The following DAZL variants were observed in gnomAD, a reference collection of about 807,000 sequenced individuals.
The protein encoded by DAZL is deleted in azoospermia like.
DAZL carries 4 observed loss-of-function variants against 45.0 expected under a neutral mutation model. That is an observed-to-expected ratio of 0.09 (90% confidence interval 0.04 to 0.20). DAZL has a LOEUF of 0.20. Ranked by LOEUF, DAZL falls within the 10% of genes least tolerant of loss-of-function variation. DAZL has a pLI of 1.00. For missense variants in DAZL, 326 were observed against 351.3 expected, an observed-to-expected ratio of 0.93 and a Z score of 0.58; for synonymous variants, 122 against 112.4, an observed-to-expected ratio of 1.09 and a Z score of -0.54.
chr3:16,598,101 A>G lies in DAZL; in HGVS notation c.228T>C (p.Thr76=). 6.3e-7 allele frequency: 1 copy of G among 1,594,430 alleles called. No homozygotes were observed. Among genetic ancestry groups the G allele is most frequent in the South Asian group, 1.1e-5 (1 of 90,848 alleles). The change falls in exon 3 of 11, where the codon ACT becomes ACC. Residue 76 remains threonine, a synonymous_variant. Coordinates refer to ENST00000399444, the MANE Select transcript of DAZL (RefSeq NM_001351.4). ...VKEVKIITDR[T]GVSKGYGFVS... is the part of the protein sequence containing the mutation. ...AAATTACTCACCCTTTGGACACACC[A>G]GTTCGATCAGTGATTATCTTCACTT...
intron 3 of DAZL, 84 bp downstream of exon 3, chr3:16,598,003 T>G (rs1162345028): frequency 7.7e-7 from 1 of 1,292,794 alleles, no homozygotes; most frequent in African/African-American, 1.5e-5. Flanking sequence ...AAATTTATGT[T>G]AAGTGTCAGA....
rs748066712 is a variant in DAZL, at chr3:16,595,332, C to T, written c.552G>A (p.Leu184=). 3.8e-5 allele frequency: 60 copies of T among 1,563,830 alleles called. No homozygotes were observed. The Admixed American group carries it at 1.0e-3, about 27-fold the overall frequency. Residue 184 remains leucine, a synonymous_variant, in exon 7 of 11, where the codon TTG becomes TTA. Coordinates refer to ENST00000399444, the MANE Select transcript of DAZL (RefSeq NM_001351.4). ...SPVQVITGYQ[L]PVYNYQMPPQ... is the part of the protein sequence containing the mutation. ...AAATTACCTGATAATTATATACAGGCAACTGATATCCAGTGATGACCTGAA... is the reference window on the plus strand; with the variant it reads ...AAATTACCTGATAATTATATACAGGTAACTGATATCCAGTGATGACCTGAA...
rs192434498 is a variant in DAZL, at chr3:16,594,547, A to G, written c.607T>C (p.Tyr203His). The G allele has an allele frequency of 9.4e-6, 15 of 1,596,864 alleles. No homozygotes were observed. In the East Asian group the frequency reaches 3.4e-4, roughly 36 times the overall value. The stretch of plus-strand genomic sequence containing the variant: ...ATTCACTTTACCGGAGGTACAACAT[A>G]GCTCCTTTGCTCCCCAACAGGCCAC... Reference protein sequence around the residue: ...PQWPVGEQRSYVVPPAYSAVN... With the variant: ...PQWPVGEQRSHVVPPAYSAVN... The change falls in exon 8 of 11, where the codon TAT becomes CAT. Residue 203 changes from tyrosine to histidine, a missense_variant. Physicochemically the swap from Tyr to His is moderately conservative, Grantham distance 83 (BLOSUM62 2). Transcript: ENST00000399444.
intron 10 of DAZL, 151 bp from the exon 11 acceptor site, chr3:16,588,864 T>C: frequency 1.5e-6 from 1 of 649,162 alleles, no homozygotes; most frequent in Non-Finnish European, 2.8e-6. Flanking sequence ...GAAGCATTCT[T>C]GAACACTGGG....
In DAZL at chr3:16,598,497, G is replaced by T; in HGVS notation, c.105C>A (p.Gly35=). 1 of 1,609,040 alleles carries T rather than the reference G, an allele frequency of 6.2e-7. No individual in the cohort carries two copies. Among genetic ancestry groups the T allele is most frequent in the South Asian group, 1.1e-5 (1 of 91,052 alleles). Residue 35 remains glycine (G), a synonymous_variant, in exon 2 of 11, where the codon GGC becomes GGA. Coordinates refer to ENST00000399444, the MANE Select transcript of DAZL (RefSeq NM_001351.4). The part of the protein sequence containing the change: ...ATSQGYILPE[G]KIMPNTVFVG... ...CAAAAACAGTGTTTGGCATGATTTTGCCTTCTGGTAAAATATAGCCTTGGC... is the reference window on the plus strand; with the variant it reads ...CAAAAACAGTGTTTGGCATGATTTTTCCTTCTGGTAAAATATAGCCTTGGC...
chr3:16,604,174 G>T (rs1445946463), intron 1 of DAZL, among the ~76,000 whole-genome samples: 2 of 152,056 alleles, frequency 1.3e-5, no homozygotes, highest in Non-Finnish European at 1.5e-5. Context: ...TTTCCTCCCT[G>T]AAGAGACTGA....
chr3:16,602,041 G>A (rs190599302), intron 1 of DAZL, among the ~76,000 whole-genome samples: 2 of 151,992 alleles, frequency 1.3e-5, no homozygotes, highest in East Asian at 1.9e-4. Flanking sequence ...CGAATAAAGA[G>A]AATGCTAAAA....
chr3:16,604,552 G>A, intron 1 of DAZL: 7 of 1,444,294 alleles, frequency 4.8e-6, no homozygotes, highest in Non-Finnish European at 6.3e-6. Context: ...AGGCACTTCC[G>A]GCCCAGCCCC....
chr3:16,598,124 C>T lies in DAZL; in HGVS notation c.205G>A (p.Val69Met). 1 of 1,600,444 alleles carries T rather than the reference C, an allele frequency of 6.2e-7. No individual in the cohort carries two copies. The highest frequency in any genetic ancestry group is 8.5e-7 in the Non-Finnish European group (1 of 1,170,464). ...FFARYGSVKE[V>M]KIITDRTGVS... is the part of the protein sequence containing the mutation. ...CCAGTTCGATCAGTGATTATCTTCA[C>T]TTCTTTCACTGAACCATATCTAGCA... Residue 69 changes from valine (V) to methionine (M), a missense_variant, in exon 3 of 11, where the codon GTG becomes ATG. By Grantham distance (21) the Val-to-Met change is conservative. Coordinates refer to ENST00000399444, the MANE Select transcript of DAZL (RefSeq NM_001351.4).
chr3:16,604,292 A>G (rs1187891496), intron 1 of DAZL: 2 of 673,350 alleles, frequency 3.0e-6, no homozygotes, highest in South Asian at 2.0e-5. Flanking sequence ...AAGCAACGCT[A>G]GGCATTTACC....
chr3:16,588,602 C>A lies in DAZL; in HGVS notation c.*58G>T. 2 of 1,362,170 alleles carry A rather than the reference C, an allele frequency of 1.5e-6. No individual in the cohort carries two copies. The highest frequency in any genetic ancestry group is 2.1e-6 in the Non-Finnish European group (2 of 950,868). 84.4% of individuals were successfully genotyped at this position (1,362,170 alleles called of 1,614,324 possible). A position where few individuals can be genotyped will look rare whatever the true frequency, so the allele number is the denominator to read the frequency against. ...TCAGAATTTCTATAATAGTGGAAAC[C>A]TTTTAGCTTAATATTCAAAACCAGC... On this transcript the variant is annotated 3_prime_UTR_variant, in exon 11 of 11. Transcript: ENST00000399444.
intron 1 of DAZL, chr3:16,604,722 C>G (rs1694748396): frequency 7.4e-7 from 1 of 1,358,358 alleles, no homozygotes; most frequent in Non-Finnish European, 9.4e-7. Context: ...GCAGGCCCGC[C>G]GCCATCTTGC....
intron 1 of DAZL, among the ~76,000 whole-genome samples, chr3:16,604,239 T>A (rs1388663864): frequency 6.6e-6 from 1 of 152,182 alleles, no homozygotes; most frequent in Non-Finnish European, 1.5e-5. Flanking sequence ...CGTGACTCAG[T>A]GGTTGGTCTG....
chr3:16,605,246 G>C lies in DAZL; in HGVS notation c.-41C>G. On this transcript the variant is annotated 5_prime_UTR_variant, in exon 1 of 11. Coordinates refer to ENST00000399444, the MANE Select transcript of DAZL (RefSeq NM_001351.4). ...CAGTTCCCGACCGGCTCCAGGAGGAGCAGAGGCTGTGCTTGGCGCACCACT... is the reference window on the plus strand; with the variant it reads ...CAGTTCCCGACCGGCTCCAGGAGGACCAGAGGCTGTGCTTGGCGCACCACT... 6.2e-7 allele frequency: 1 copy of C among 1,613,986 alleles called. No homozygotes were observed. Among genetic ancestry groups the C allele is most frequent in the Non-Finnish European group, 8.5e-7 (1 of 1,179,814 alleles).
intron 1 of DAZL, among the ~76,000 whole-genome samples, chr3:16,600,648 T>TAA (rs1694676769): frequency 6.6e-6 from 1 of 152,224 alleles, no homozygotes; most frequent in African/African-American, 2.4e-5. Flanking sequence ...CCAAACAGAA[T>TAA]AAAACAAAAC....
In DAZL at chr3:16,596,899, A is replaced by G. The variant is rs1694608877; in HGVS notation, c.359-10T>C. ...TGCACATGATAAGCACCTTTTTGAA[A>G]AGCAAAAAGAAAAGGCCTATTTTTA... is the stretch of plus-strand genomic sequence containing the variant. On this transcript the variant is annotated splice_polypyrimidine_tract_variant and intron_variant, in intron 5 of 10. Transcript: ENST00000399444. 2 of 1,613,806 alleles carry G rather than the reference A, an allele frequency of 1.2e-6. No individual in the cohort carries two copies. The highest frequency in any genetic ancestry group is 2.2e-5 in the East Asian group (1 of 44,860).
intron 10 of DAZL, among the ~76,000 whole-genome samples, chr3:16,589,542 AC>A (rs1409313294): frequency 6.6e-6 from 1 of 152,230 alleles, no homozygotes; most frequent in Non-Finnish European, 1.5e-5. Context: ...TGAAGGGACT[AC>A]AGAATCAAGA....
At chr3:16,596,518 G>A (rs147330429) in intron 6 of DAZL, among the ~76,000 whole-genome samples, 53 of 152,166 alleles carry the variant, frequency 3.5e-4, no homozygotes, top group African/African-American at 1.2e-3. Context: ...ATTTCTTCAT[G>A]TGTCTACAGA....
At chr3:16,605,161 G>A (rs773011213) in intron 1 of DAZL, 42 bp downstream of exon 1, 2 of 1,613,762 alleles carry the variant, frequency 1.2e-6, no homozygotes, top group Non-Finnish European at 1.7e-6. Context: ...CACGAGTGAA[G>A]ACTCCGCCAG....
Sources: allele counts gnomAD v4.1 joint callset (sites outside exome capture counted in the v4.1 genomes callset), GRCh38; gene constraint gnomAD v4.1.1; transcripts MANE v1.5; gene names NCBI Gene and HGNC (gene_info 2026-07-23, HGNC 2026-07-21).